The following DYDC2 variants were observed in gnomAD, a reference collection of about 807,000 sequenced individuals.
The protein encoded by DYDC2 is DPY30 domain containing 2.
DYDC2 carries 19 observed loss-of-function variants against 18.7 expected under a neutral mutation model. The ratio of observed to expected loss-of-function variants is 1.02; its 90% CI spans 0.71 to 1.49. The LOEUF (loss-of-function observed/expected upper bound fraction) is 1.49, where lower values mean the gene tolerates loss of function less well. DYDC2 is among the 40% of genes most tolerant of loss of function. DYDC2 has a pLI of 0.00. For missense variants in DYDC2, 179 were observed against 205.1 expected, an observed-to-expected ratio of 0.87 and a Z score of 0.78; for synonymous variants, 63 against 67.6, an observed-to-expected ratio of 0.93 and a Z score of 0.34.
intron 2 of DYDC2, among the ~76,000 whole-genome samples, chr10:80,359,102 G>A (rs1257351348): frequency 2.0e-5 from 3 of 152,122 alleles, no homozygotes; most frequent in East Asian, 1.9e-4. Flanking sequence ...TCCCTTATCC[G>A]GCCCTACCCA....
upstream of DYDC2, chr10:80,356,625 A>G: frequency 2.0e-6 from 2 of 985,306 alleles, no homozygotes; most frequent in Non-Finnish European, 2.4e-6. Context: ...CCAAGGCCCA[A>G]CGGTCAGAAC....
intron 4 of DYDC2, 118 bp from the exon 5 acceptor site, chr10:80,366,570 C>G: frequency 8.2e-7 from 1 of 1,216,702 alleles, no homozygotes; most frequent in Middle Eastern, 2.4e-4. Context: ...TAAAGCAGGG[C>G]TATTTCAGTT....
At chr10:80,352,190 T>C (rs1406263228), upstream of DYDC2, among the ~76,000 whole-genome samples, 3 of 152,196 alleles carry the variant, frequency 2.0e-5, no homozygotes, top group Admixed American at 1.3e-4. Context: ...ATTAAAGTTA[T>C]ACATTGTGTA....
At chr10:80,353,880 T>C (rs553362528), upstream of DYDC2, among the ~76,000 whole-genome samples, 2 of 152,174 alleles carry the variant, frequency 1.3e-5, no homozygotes, top group South Asian at 4.2e-4. Context: ...TCCTTCAGGA[T>C]TTTGAAACCA....
chr10:80,363,486 A>G (rs1214265182), intron 4 of DYDC2, among the ~76,000 whole-genome samples: 1 of 149,270 alleles, frequency 6.7e-6, no homozygotes, highest in Non-Finnish European at 1.5e-5. Context: ...CTGGGACTAC[A>G]GGCACATGCC....
intron 2 of DYDC2, 112 bp from the exon 3 acceptor site, chr10:80,362,323 C>T: frequency 7.1e-7 from 1 of 1,414,952 alleles, no homozygotes; most frequent in East Asian, 2.4e-5. Context: ...AGGTGTGATC[C>T]AGAAGCATCT....
intron 4 of DYDC2, among the ~76,000 whole-genome samples, chr10:80,363,307 T>G (rs1004370398): frequency 6.6e-6 from 1 of 151,098 alleles, no homozygotes; most frequent in Non-Finnish European, 1.5e-5. Flanking sequence ...TAGGAAATAC[T>G]CTGGTGTTAC....
chr10:80,344,914 C>T (rs1842518558), intron 1 of DYDC2: 2 of 154,638 alleles, frequency 1.3e-5, no homozygotes, highest in Non-Finnish European at 2.9e-5. Context: ...CAATTACAGA[C>T]AAGAGCATTT....
intron 1 of DYDC2, among the ~76,000 whole-genome samples, chr10:80,350,016 A>G (rs890765823): frequency 1.3e-5 from 2 of 152,090 alleles, no homozygotes; most frequent in African/African-American, 4.8e-5. Flanking sequence ...CCTCCAGCTT[A>G]CATGACTCAG....
At chr10:80,366,123 C>G (rs538852367) in intron 4 of DYDC2, among the ~76,000 whole-genome samples, 1 of 104,396 alleles carries the variant, frequency 9.6e-6, no homozygotes, top group African/African-American at 4.1e-5. Context: ...ACCTCTGCCT[C>G]CCCGGTTCAA....
Position 80,356,845 on chromosome 10 carries a change from T to C in DYDC2, c.-163+20T>C. 5.1e-6 allele frequency: 5 copies of C among 980,494 alleles called. No homozygotes were observed. Among genetic ancestry groups the C allele is most frequent in the Non-Finnish European group, 6.0e-6 (5 of 828,756 alleles). 60.7% of individuals were successfully genotyped at this position (980,494 alleles called of 1,614,324 possible). On this transcript the variant is annotated intron_variant, in intron 1 of 4. Transcript: ENST00000256039. ...GGATAGGTGAGCAGAGGGCACGCGGTGGGCAGCGAAGGGGGAACGCGCAGC... is the reference window on the plus strand; with the variant it reads ...GGATAGGTGAGCAGAGGGCACGCGGCGGGCAGCGAAGGGGGAACGCGCAGC...
At chr10:80,365,676 T>C (rs940366354) in intron 4 of DYDC2, among the ~76,000 whole-genome samples, 2 of 152,176 alleles carry the variant, frequency 1.3e-5, no homozygotes, top group African/African-American at 4.8e-5. Context: ...GGGACATGGA[T>C]GTTAGACTGC....
upstream of DYDC2, chr10:80,352,573 A>T: frequency 6.2e-7 from 1 of 1,611,788 alleles, no homozygotes; most frequent in Non-Finnish European, 8.5e-7. Context: ...ACAGGCCCCA[A>T]GGTGCTTTTG....
chr10:80,344,933 G>A (rs1344242212), intron 1 of DYDC2: 4 of 154,416 alleles, frequency 2.6e-5, no homozygotes, highest in African/African-American at 7.2e-5. Flanking sequence ...TTTCAAAGTC[G>A]TGTAGAAACA....
chr10:80,359,688 G>A (rs535261773), intron 2 of DYDC2, among the ~76,000 whole-genome samples: 43 of 152,228 alleles, frequency 2.8e-4, no homozygotes, highest in Admixed American at 1.3e-3. Context: ...CTGGCAGGCC[G>A]GCACTGCTGG....
At chr10:80,356,314 G>A (rs1422909667), upstream of DYDC2, 4 of 985,494 alleles carry the variant, frequency 4.1e-6, no homozygotes, top group African/African-American at 7.0e-5. Context: ...TGCCTCCAGC[G>A]TGAAGAAGGT....
intron 1 of DYDC2, among the ~76,000 whole-genome samples, chr10:80,347,276 CTTTTTTTTTTTTTTTT>C (rs556362145): frequency 8.9e-5 from 8 of 90,114 alleles, no homozygotes; most frequent in Non-Finnish European, 2.1e-5. Flanking sequence ...AATTGGGATC[CTTTTTTTTTTTTTTTT>C]TTTTTTTTTT....
chr10:80,356,948 A>G, intron 1 of DYDC2, 123 bp downstream of exon 1: 5 of 709,326 alleles, frequency 7.0e-6, no homozygotes, highest in Non-Finnish European at 8.4e-6. Context: ...GGCGCGGCAG[A>G]GTGGAGGGGG....
upstream of DYDC2, chr10:80,356,442 C>T (rs1315008649): frequency 5.1e-6 from 5 of 985,198 alleles, no homozygotes; most frequent in East Asian, 4.5e-4. Flanking sequence ...TATCTGGCAA[C>T]CTCCCGGGGC....
Sources: allele counts gnomAD v4.1 joint callset (sites outside exome capture counted in the v4.1 genomes callset), GRCh38; gene constraint gnomAD v4.1.1; transcripts MANE v1.5; gene names NCBI Gene and HGNC (gene_info 2026-07-23, HGNC 2026-07-21).